PZP: variants seen among roughly 807,000 people sequenced by gnomAD.
PZP encodes the protein pregnancy zone protein.
In PZP, 150 loss-of-function variants were observed where a neutral mutation model predicts 179.8. The observed-to-expected ratio is 0.83, with a 90% confidence interval of 0.73 to 0.96. The LOEUF (loss-of-function observed/expected upper bound fraction) is 0.96. Among genes scored for constraint, PZP ranks in the 40% least tolerant of loss-of-function variants. The probability of loss-of-function intolerance (pLI) is 0.00; values close to 1 mark genes in which losing one functional copy is unlikely to be tolerated. For missense variants in PZP, 1,689 were observed against 1,764.0 expected, an observed-to-expected ratio of 0.96 and a Z score of 0.76; for synonymous variants, 624 against 652.3, an observed-to-expected ratio of 0.96 and a Z score of 0.66.
rs774424345 is a variant in PZP, at chr12:9,182,832, G to A, written c.1547-715C>T. Among the ~76,000 whole-genome samples the A allele has an allele frequency of 4.6e-5, 7 of 152,180 alleles. No homozygotes were observed. The South Asian group carries it at 1.0e-3, about 23-fold the overall frequency. Reference sequence around the variant, plus strand: ...AATAACGGTAATTATAAAACCACGAGAGACTTAATGACTGAAAAGTTTCTG... The same window carrying A: ...AATAACGGTAATTATAAAACCACGAAAGACTTAATGACTGAAAAGTTTCTG... On this transcript the variant is annotated intron_variant, in intron 13 of 35. Coordinates refer to ENST00000261336, the MANE Select transcript of PZP (RefSeq NM_002864.3).
Position 9,152,872 on chromosome 12 carries a change from C to G in PZP, c.4073G>C (p.Cys1358Ser), listed in dbSNP as rs1181411228. The G allele has an allele frequency of 2.2e-5, 36 of 1,613,980 alleles. No individual in the cohort carries two copies. The highest frequency in any genetic ancestry group is 2.9e-5 in the Non-Finnish European group (34 of 1,180,006). ...GCTGGTGTGGGCTTTGTGTCCATCG[C>G]AAGTTTGGGGCACAGTCTGCACTTT... The part of the protein sequence containing the change: ...ALKVQTVPQT[C>S]DGHKAHTSFQ... The change falls in exon 31 of 36, where the codon TGC becomes TCC. Residue 1358 changes from cysteine (C) to serine (S), a missense_variant. Physicochemically the swap from Cys to Ser is moderately radical, Grantham distance 112. Around this residue, in one of 3 missense-constraint regions of PZP, gnomAD observed 746 missense variants for 749.2 expected, o/e 1.00. Transcript: ENST00000261336.
At chr12:9,162,845 A>T (rs950575223) in intron 21 of PZP, among the ~76,000 whole-genome samples, 197 bp from the exon 22 acceptor site, 2 of 152,160 alleles carry the variant, frequency 1.3e-5, no homozygotes, top group African/African-American at 4.8e-5. Context: ...AATGTGTGCC[A>T]TGGTGGTTTG....
chr12:9,168,629 A>G (rs1941756934), intron 17 of PZP: 1 of 414,586 alleles, frequency 2.4e-6, no homozygotes, highest in Non-Finnish European at 4.3e-6. Context: ...CTTACAGTAC[A>G]TCAGAATCTT....
chr12:9,164,164 G>C lies in PZP; in HGVS notation c.2583C>G (p.Thr861=). The C allele has an allele frequency of 1.2e-6, 2 of 1,611,118 alleles. No homozygotes were observed. The highest frequency in any genetic ancestry group is 3.3e-4 in the Middle Eastern group (2 of 6,060). The part of the protein sequence containing the change: ...SYCICGNERQ[T]LSWTVTPKTL... ...TTTTAGGAGTCACTGTCCAAGACAA[G>C]GTTTGTCTCTCATTTCCACAGATAC... The change falls in exon 20 of 36, where the codon ACC becomes ACG. Residue 861 remains threonine, a synonymous_variant. Transcript: ENST00000261336.
At chr12:9,160,187 G>C (rs565028788) in intron 24 of PZP, 127 bp downstream of exon 24, 1 of 1,088,888 alleles carries the variant, frequency 9.2e-7, no homozygotes, top group Non-Finnish European at 1.3e-6. Flanking sequence ...CATCCTATTA[G>C]AGTGTGGGAA....
chr12:9,153,211 G>A lies in PZP; in HGVS notation c.3907C>T (p.Leu1303Phe). 3 of 1,614,182 alleles carry A rather than the reference G, an allele frequency of 1.9e-6. No individual in the cohort carries two copies. The highest frequency in any genetic ancestry group is 2.5e-6 in the Non-Finnish European group (3 of 1,180,010). ...STNFQVDNNN[L>F]LLLQQISLPE... ...AATGAGATCTGCTGCAGTAATAGGA[G>A]GTTGTTGTTGTCTACTTGGAAATTT... is the stretch of plus-strand genomic sequence containing the variant. The change falls in exon 30 of 36, where the codon CTC (leucine) becomes TTC (phenylalanine). Residue 1303 changes from leucine (L) to phenylalanine (F), a missense_variant. Leu to Phe is a conservative substitution (Grantham distance 22). Transcript: ENST00000261336.
At chr12:9,149,695 G>T in intron 34 of PZP, 93 bp from the exon 35 acceptor site, 1 of 1,203,606 alleles carries the variant, frequency 8.3e-7, no homozygotes, top group Non-Finnish European at 1.2e-6. Context: ...CTGGAGAAAA[G>T]CACGCCCTAT....
chr12:9,193,875 G>A lies in PZP; in HGVS notation c.1254+202C>T, dbSNP rs1429640460. On this transcript the variant is annotated intron_variant, in intron 11 of 35. Coordinates refer to ENST00000261336, the MANE Select transcript of PZP (RefSeq NM_002864.3). ...ATATAAAATGTTACAGATAATGATA[G>A]TGAAATTATCAGGCACTTCTGCAGT... Among the ~76,000 whole-genome samples the A allele has an allele frequency of 1.1e-3, 172 of 152,308 alleles. 4 individuals are homozygous for A. In the East Asian group the frequency reaches 0.021, roughly 19 times the overall value.
chr12:9,164,060 A>C, intron 20 of PZP, 73 bp downstream of exon 20: 1 of 1,491,622 alleles, frequency 6.7e-7, no homozygotes, highest in East Asian at 2.3e-5. Context: ...AAAAGAGAGA[A>C]TATGATGAAA....
chr12:9,138,833 C>T, the PZP span, among the ~76,000 whole-genome samples: 1 of 151,328 alleles, frequency 6.6e-6, no homozygotes, highest in Non-Finnish European at 1.5e-5. Context: ...AATGTATCTT[C>T]TTTCATTTCT....
intron 17 of PZP, among the ~76,000 whole-genome samples, chr12:9,167,981 T>C (rs1338757143): frequency 6.6e-6 from 1 of 152,226 alleles, no homozygotes; most frequent in Non-Finnish European, 1.5e-5. Flanking sequence ...ATTGAAGGTA[T>C]ACTTAAACAG....
At chr12:9,205,791 C>A (rs971462301) in intron 1 of PZP, among the ~76,000 whole-genome samples, 1 of 152,096 alleles carries the variant, frequency 6.6e-6, no homozygotes, top group African/African-American at 2.4e-5. Context: ...CACAAGAAAC[C>A]CAATATTGTT....
chr12:9,184,448 G>A (rs895981917), intron 13 of PZP, among the ~76,000 whole-genome samples: 1 of 152,194 alleles, frequency 6.6e-6, no homozygotes, highest in Non-Finnish European at 1.5e-5. Flanking sequence ...ATGCACAGTT[G>A]CTAGTGGGGA....
intron 13 of PZP, among the ~76,000 whole-genome samples, chr12:9,188,476 CCT>C (rs1377477872): frequency 6.6e-6 from 1 of 152,188 alleles, no homozygotes; most frequent in Non-Finnish European, 1.5e-5. Context: ...ACAAGGATGT[CCT>C]CTCTCACCAC....
At chr12:9,161,786 A>G (rs1411105372) in intron 22 of PZP, among the ~76,000 whole-genome samples, 1 of 152,222 alleles carries the variant, frequency 6.6e-6, no homozygotes, top group Admixed American at 6.5e-5. Flanking sequence ...AAAAGCTACA[A>G]CTACTTCTTA....
In PZP at chr12:9,162,392, G is replaced by A. The variant is rs564372853; in HGVS notation, c.2788+205C>T. ...CCAAGAAAGCCCAGGTATTAGTCCT[G>A]TCTGTACCACCTGAGTCACATTAAC... On this transcript the variant is annotated intron_variant, in intron 22 of 35. Coordinates refer to ENST00000261336, the MANE Select transcript of PZP (RefSeq NM_002864.3). 1.6e-3 allele frequency: 875 copies of A among 555,110 alleles called. 15 individuals are homozygous for A. In the South Asian group the frequency reaches 0.019, roughly 12 times the overall value. 34.4% of individuals were successfully genotyped at this position (555,110 alleles called of 1,614,324 possible). A position where few individuals can be genotyped will look rare whatever the true frequency, so the allele number is the denominator to read the frequency against.
chr12:9,152,109 A>T, intron 32 of PZP, 111 bp downstream of exon 32: 1 of 860,536 alleles, frequency 1.2e-6, no homozygotes, highest in East Asian at 2.5e-5. Flanking sequence ...TGGGAAAAAT[A>T]TTTTTTTGAG....
the PZP span, among the ~76,000 whole-genome samples, chr12:9,139,272 G>A: frequency 1.2e-4 from 18 of 151,250 alleles, no homozygotes; most frequent in African/African-American, 3.9e-4. Flanking sequence ...GTTTAATTTT[G>A]TTGTGGCCAG....
chr12:9,159,669 T>G (rs1007424578), intron 25 of PZP, among the ~76,000 whole-genome samples: 1 of 151,796 alleles, frequency 6.6e-6, no homozygotes, highest in Non-Finnish European at 1.5e-5. Context: ...GAGACCCAAG[T>G]GAGCCCATTC....
Sources: allele counts gnomAD v4.1 joint callset (sites outside exome capture counted in the v4.1 genomes callset), GRCh38; gene constraint gnomAD v4.1.1; regional missense constraint gnomAD v4.1.1; transcripts MANE v1.5; gene names NCBI Gene and HGNC (gene_info 2026-07-23, HGNC 2026-07-21).